The following ACTN4 variants were observed in gnomAD, a reference collection of about 807,000 sequenced individuals.
ACTN4 encodes the protein actinin alpha 4.
A neutral mutation model predicts 114.2 loss-of-function variants in ACTN4; 18 were observed. The observed-to-expected ratio is 0.16, with a 90% confidence interval of 0.11 to 0.23. The LOEUF (loss-of-function observed/expected upper bound fraction) is 0.23, where lower values mean the gene tolerates loss of function less well. Ranked by LOEUF, ACTN4 falls within the 10% of genes least tolerant of loss-of-function variation. ACTN4 has a pLI of 1.00. For missense variants in ACTN4, 722 were observed against 1,262.9 expected, an observed-to-expected ratio of 0.57 and a Z score of 6.49; for synonymous variants, 515 against 506.3, an observed-to-expected ratio of 1.02 and a Z score of -0.23.
chr19:38,716,054 A>G (rs1489960772), intron 9 of ACTN4, among the ~76,000 whole-genome samples: 2 of 152,088 alleles, frequency 1.3e-5, no homozygotes, highest in Non-Finnish European at 2.9e-5. Flanking sequence ...GGCGCGCACC[A>G]CCACGCCCAG....
chr19:38,714,212 C>G (rs962433729), intron 8 of ACTN4, among the ~76,000 whole-genome samples: 4 of 152,222 alleles, frequency 2.6e-5, no homozygotes, highest in African/African-American at 9.6e-5. Context: ...TTGCGAGCAG[C>G]AGTGGGAGGG....
intron 1 of ACTN4, among the ~76,000 whole-genome samples, chr19:38,662,740 C>T (rs187917664): frequency 6.6e-6 from 1 of 152,262 alleles, no homozygotes; most frequent in East Asian, 1.9e-4. Flanking sequence ...GCTTATTATG[C>T]ATTTATGCTG....
chr19:38,710,723 G>A (rs1968618703), intron 8 of ACTN4: 1 of 356,640 alleles, frequency 2.8e-6, no homozygotes, highest in Admixed American at 3.9e-5. Flanking sequence ...CAATGTGGAG[G>A]GGTGAAGTGA....
chr19:38,654,001 T>TA (rs1976640966), intron 1 of ACTN4, among the ~76,000 whole-genome samples: 3 of 152,196 alleles, frequency 2.0e-5, no homozygotes, highest in Admixed American at 1.3e-4. Context: ...TCAAAGCAAG[T>TA]TACAAGGAAA....
At chr19:38,718,998 A>G (rs1599848507) in intron 11 of ACTN4, among the ~76,000 whole-genome samples, 1 of 150,848 alleles carries the variant, frequency 6.6e-6, no homozygotes, top group African/African-American at 2.4e-5. Flanking sequence ...AGCTCCTCCC[A>G]CCTCCCATCC....
At chr19:38,654,258 C>T (rs1057510773) in intron 1 of ACTN4, among the ~76,000 whole-genome samples, 2 of 152,074 alleles carry the variant, frequency 1.3e-5, no homozygotes, top group South Asian at 2.1e-4. Flanking sequence ...GGAAGGATCC[C>T]GCCTCCTCCA....
At chr19:38,723,861 A>AGCC in intron 13 of ACTN4, 76 bp from the exon 14 acceptor site, 1 of 1,509,112 alleles carries the variant, frequency 6.6e-7, no homozygotes, top group Non-Finnish European at 9.1e-7. Flanking sequence ...GGCCCTCTGG[A>AGCC]CCCCTCCCCA....
intron 1 of ACTN4, among the ~76,000 whole-genome samples, chr19:38,650,689 T>G (rs999742502): frequency 6.6e-6 from 1 of 152,188 alleles, no homozygotes; most frequent in Non-Finnish European, 1.5e-5. Flanking sequence ...TCTGTGTGGC[T>G]CTCTACCTTC....
intron 1 of ACTN4, among the ~76,000 whole-genome samples, chr19:38,679,791 C>T (rs533258455): frequency 3.3e-5 from 5 of 152,094 alleles, no homozygotes; most frequent in Admixed American, 6.5e-5. Context: ...CCACCGCACC[C>T]GGCCAATGTA....
chr19:38,684,224 A>G (rs1355539409), intron 1 of ACTN4, among the ~76,000 whole-genome samples: 2 of 152,308 alleles, frequency 1.3e-5, no homozygotes, highest in African/African-American at 4.8e-5. Context: ...TAATTATAGT[A>G]GGGTAGGCCT....
At chr19:38,716,965 G>A (rs1470693107) in intron 9 of ACTN4, 121 bp from the exon 10 acceptor site, 2 of 1,127,626 alleles carry the variant, frequency 1.8e-6, no homozygotes, top group Admixed American at 4.0e-5. Flanking sequence ...GGGGAGCAGG[G>A]GTAACCCCCT....
At chr19:38,703,546 A>G (rs1244256815) in intron 3 of ACTN4, among the ~76,000 whole-genome samples, 3 of 151,964 alleles carry the variant, frequency 2.0e-5, no homozygotes, top group Admixed American at 2.0e-4. Context: ...CCGGCCGCAA[A>G]TGTTTGTTTT....
At chr19:38,705,222 C>T (rs1329885024) in intron 4 of ACTN4, among the ~76,000 whole-genome samples, 3 of 152,300 alleles carry the variant, frequency 2.0e-5, no homozygotes, top group South Asian at 4.1e-4. Flanking sequence ...CAGTGCCTTC[C>T]GAGTGCCTTT....
chr19:38,728,923 C>T (rs1969366994), intron 19 of ACTN4, 73 bp from the exon 20 acceptor site: 1 of 1,589,914 alleles, frequency 6.3e-7, no homozygotes, highest in African/African-American at 1.3e-5. Context: ...CCCTGGAGAC[C>T]CCACCAGTGT....
At chr19:38,679,836 T>C (rs1967500006) in intron 1 of ACTN4, among the ~76,000 whole-genome samples, 1 of 151,814 alleles carries the variant, frequency 6.6e-6, no homozygotes, top group African/African-American at 2.4e-5. Flanking sequence ...CTGTTATATT[T>C]AATGCTTCTG....
At chr19:38,655,832 T>C (rs930030634) in intron 1 of ACTN4, among the ~76,000 whole-genome samples, 26 of 152,252 alleles carry the variant, frequency 1.7e-4, no homozygotes, top group Non-Finnish European at 3.2e-4. Context: ...ATTTTAACTA[T>C]GCACATCCTC....
chr19:38,689,751 G>A (rs920160204), intron 1 of ACTN4, among the ~76,000 whole-genome samples: 31 of 151,938 alleles, frequency 2.0e-4, no homozygotes, highest in African/African-American at 7.3e-4. Context: ...TTGGCTCATT[G>A]CAACCTTTGC....
chr19:38,699,291 C>T (rs995690270), intron 1 of ACTN4, among the ~76,000 whole-genome samples: 3 of 152,174 alleles, frequency 2.0e-5, no homozygotes, highest in African/African-American at 7.2e-5. Flanking sequence ...GCCCTGTCAG[C>T]ATCGTTGGTC....
intron 1 of ACTN4, among the ~76,000 whole-genome samples, chr19:38,686,155 T>C (rs1235552067): frequency 6.6e-6 from 1 of 152,114 alleles, no homozygotes; most frequent in African/African-American, 2.4e-5. Flanking sequence ...AACAATCCCA[T>C]CAGTGCCCTG....
Sources: gnomAD v4.1 joint callset for allele counts (sites outside exome capture counted in the v4.1 genomes callset) on GRCh38, gnomAD v4.1.1 for gene constraint, MANE v1.5 for transcripts, NCBI Gene and HGNC (gene_info 2026-07-23, HGNC 2026-07-21) for gene names.